The following COL5A2 variants were observed in gnomAD, a reference collection of about 807,000 sequenced individuals.
COL5A2 encodes collagen type V alpha 2 chain.
COL5A2 carries 23 observed loss-of-function variants against 208.2 expected under a neutral mutation model. The ratio of observed to expected loss-of-function variants is 0.11; its 90% confidence interval spans 0.08 to 0.16. The LOEUF is 0.16. Ranked by LOEUF, COL5A2 falls within the 10% of genes least tolerant of loss-of-function variation. The pLI is 1.00. For missense variants in COL5A2, 1,590 were observed against 1,956.4 expected (o/e 0.81, Z 3.53); for synonymous variants, 625 against 628.5 (o/e 0.99, Z 0.08).
chr2:189,343,553 A>G, the COL5A2 span, among the ~76,000 whole-genome samples: 1 of 152,136 alleles, frequency 6.6e-6, no homozygotes, highest in African/African-American at 2.4e-5. Context: ...CAAAAAGTTC[A>G]CCTACAAGCA....
the COL5A2 span, among the ~76,000 whole-genome samples, chr2:189,276,402 G>A: frequency 6.6e-6 from 1 of 152,274 alleles, no homozygotes; most frequent in African/African-American, 2.4e-5. Flanking sequence ...AGATGTCTTA[G>A]ACCCTGTTGC....
the COL5A2 span, among the ~76,000 whole-genome samples, chr2:189,411,726 G>T: frequency 1.9e-4 from 29 of 152,160 alleles, 1 homozygote; most frequent in South Asian, 5.2e-3. Context: ...ATATCAATAA[G>T]ATCTTGTTTG....
At position 189,165,752 on chromosome 2, in the gene COL5A2, T is replaced by C. The variant is rs1688451235; in HGVS notation, c.97+13756A>G. Among the ~76,000 whole-genome samples, 6 of 152,208 alleles carry C rather than the reference T, an allele frequency of 3.9e-5. No homozygotes were observed. The South Asian group carries it at 1.2e-3, about 32-fold the overall frequency. ...TTGTTAACTGTGTATTGAAAGTAAA[T>C]GGAAAAGAAGTGCTAACTGTAAAAA... On this transcript the variant is annotated intron_variant, in intron 1 of 53. Transcript: ENST00000374866.
chr2:189,343,530 A>AT, the COL5A2 span, among the ~76,000 whole-genome samples: 1 of 152,102 alleles, frequency 6.6e-6, no homozygotes, highest in Non-Finnish European at 1.5e-5. Flanking sequence ...AATAATTAAG[A>AT]TTTTAAATTA....
chr2:189,237,270 T>A, the COL5A2 span, among the ~76,000 whole-genome samples: 1 of 151,752 alleles, frequency 6.6e-6, no homozygotes, highest in South Asian at 2.1e-4. Flanking sequence ...TGTTAGTATT[T>A]TTTTAGAAGT....
intron 50 of COL5A2, among the ~76,000 whole-genome samples, chr2:189,040,336 T>TTC (rs1559074167): frequency 4.9e-4 from 2 of 4,120 alleles, no homozygotes; most frequent in Non-Finnish European, 3.6e-3. Flanking sequence ...CCCTCCTGCC[T>TTC]TTTTTTTTTT....
intron 12 of COL5A2, among the ~76,000 whole-genome samples, chr2:189,081,868 C>A (rs1355036420): frequency 3.9e-5 from 6 of 152,146 alleles, no homozygotes; most frequent in African/African-American, 1.4e-4. Flanking sequence ...TTAAAAGATA[C>A]TAAGCTAATG....
chr2:189,270,439 C>T, the COL5A2 span, among the ~76,000 whole-genome samples: 4 of 152,004 alleles, frequency 2.6e-5, no homozygotes, highest in Admixed American at 6.6e-5. Context: ...TTGTTCTCAC[C>T]GGTTTCAAAG....
intron 51 of COL5A2, among the ~76,000 whole-genome samples, chr2:189,038,374 T>C (rs977392855): frequency 2.6e-5 from 4 of 152,240 alleles, no homozygotes; most frequent in Non-Finnish European, 4.4e-5. Context: ...TTCTTTTTTA[T>C]GGCCACATAA....
chr2:189,066,825 G>C (rs577559490), intron 21 of COL5A2, 43 bp from the exon 22 acceptor site: 3 of 1,471,438 alleles, frequency 2.0e-6, no homozygotes, highest in Admixed American at 1.7e-5. Context: ...AGGACATTTA[G>C]CTAGTCCAAT....
At chr2:189,052,876 T>G in intron 39 of COL5A2, 35 bp downstream of exon 39, 1 of 1,611,998 alleles carries the variant, frequency 6.2e-7, no homozygotes, top group South Asian at 1.1e-5. Flanking sequence ...CATGGGGCAC[T>G]TGACTCAAGT....
intron 1 of COL5A2, among the ~76,000 whole-genome samples, chr2:189,191,159 C>CAAAAAAAAAAAA (rs1688920072): frequency 1.0e-4 from 2 of 19,074 alleles, no homozygotes; most frequent in Non-Finnish European, 5.9e-4. Context: ...AAACAAAAAA[C>CAAAAAAAAAAAA]AAACAAACAA....
chr2:189,198,255 G>A (rs1576583559), intron 1 of COL5A2, among the ~76,000 whole-genome samples: 2 of 152,294 alleles, frequency 1.3e-5, no homozygotes, highest in South Asian at 2.1e-4. Flanking sequence ...ATATAAAGAT[G>A]TATAAAGACA....
the COL5A2 span, among the ~76,000 whole-genome samples, chr2:189,319,344 G>A: frequency 2.0e-5 from 3 of 152,352 alleles, no homozygotes; most frequent in South Asian, 6.2e-4. Context: ...AGCGCACCAA[G>A]CGTGAGCCGA....
chr2:189,085,257 T>A, intron 10 of COL5A2, 44 bp from the exon 11 acceptor site: 1 of 1,491,842 alleles, frequency 6.7e-7, no homozygotes, highest in Non-Finnish European at 9.3e-7. Flanking sequence ...ATATTTACCT[T>A]TACTTGCCAG....
the COL5A2 span, among the ~76,000 whole-genome samples, chr2:189,303,119 C>A: frequency 1.3e-5 from 2 of 152,080 alleles, no homozygotes; most frequent in Non-Finnish European, 2.9e-5. Flanking sequence ...GAAGTTACAG[C>A]CACAGTGCAT....
At chr2:189,315,977 C>T in the COL5A2 span, among the ~76,000 whole-genome samples, 2 of 151,932 alleles carry the variant, frequency 1.3e-5, no homozygotes, top group South Asian at 2.1e-4. Context: ...CTGGCAAGGT[C>T]GTGGAGAAAA....
At chr2:189,302,502 G>C in the COL5A2 span, among the ~76,000 whole-genome samples, 1 of 151,942 alleles carries the variant, frequency 6.6e-6, no homozygotes, top group African/African-American at 2.4e-5. Flanking sequence ...TTTTCTTATA[G>C]GTCATTCTTG....
chr2:189,054,208 A>G lies in COL5A2; in HGVS notation c.2396T>C (p.Leu799Pro). 6.2e-7 allele frequency: 1 copy of G among 1,613,780 alleles called. No individual in the cohort carries two copies. The highest frequency in any genetic ancestry group is 8.5e-7 in the Non-Finnish European group (1 of 1,179,626). Residue 799 changes from leucine to proline, a missense_variant, in exon 36 of 54, where the codon CTT becomes CCT. Leu to Pro is a moderately conservative substitution (Grantham distance 98). Coordinates refer to ENST00000374866, the MANE Select transcript of COL5A2 (RefSeq NM_000393.5). ...ACCTGGAGGGCCCAAAGGACCTGGA[A>G]GACCCTGTCAATTAACAGAACATAG... ...GTAGNDGARGLPGPLGPPGPA... is the reference protein window; with the variant it reads ...GTAGNDGARGPPGPLGPPGPA...
Sources: gnomAD v4.1 joint callset for allele counts (sites outside exome capture counted in the v4.1 genomes callset) on GRCh38, gnomAD v4.1.1 for gene constraint, MANE v1.5 for transcripts, NCBI Gene and HGNC (gene_info 2026-07-23, HGNC 2026-07-21) for gene names.